TNC: variants seen among roughly 807,000 people sequenced by gnomAD.
The protein encoded by TNC is tenascin C.
A neutral mutation model predicts 202.4 loss-of-function variants in TNC; 109 were observed. The observed-to-expected ratio is 0.54, with a 90% confidence interval of 0.46 to 0.63. TNC has a LOEUF of 0.63. Among genes scored for constraint, TNC ranks in the 30% least tolerant of loss-of-function variants. The probability of loss-of-function intolerance (pLI) is 0.00; values close to 1 mark genes in which losing one functional copy is unlikely to be tolerated. For missense variants in TNC, 2,756 were observed against 2,833.3 expected (o/e 0.97, Z 0.62); for synonymous variants, 1,007 against 1,089.7 (o/e 0.92, Z 1.50).
intron 2 of TNC, among the ~76,000 whole-genome samples, chr9:115,089,421 A>AG (rs1186896242): frequency 1.3e-5 from 2 of 152,254 alleles, no homozygotes; most frequent in Non-Finnish European, 2.9e-5. Flanking sequence ...ATGTGGAAAC[A>AG]GGGCATCCAT....
intron 7 of TNC, among the ~76,000 whole-genome samples, chr9:115,077,303 G>A (rs562593448): frequency 3.9e-5 from 6 of 152,130 alleles, no homozygotes; most frequent in South Asian, 2.1e-4. Flanking sequence ...TGATTCGCCC[G>A]CCTTGGCCTC....
intron 1 of TNC, among the ~76,000 whole-genome samples, chr9:115,106,568 A>G (rs1316784628): frequency 1.3e-5 from 2 of 152,206 alleles, no homozygotes; most frequent in Non-Finnish European, 2.9e-5. Flanking sequence ...CAGGTGGACT[A>G]TAATATCTGT....
rs536656263 is a variant in TNC, at chr9:115,050,043, C to T, written c.4580-1511G>A. Among the ~76,000 whole-genome samples the T allele has an allele frequency of 5.3e-5, 8 of 152,200 alleles. No individual in the cohort carries two copies. In the East Asian group the frequency reaches 9.7e-4, roughly 18 times the overall value. The stretch of plus-strand genomic sequence containing the variant: ...TCTATCAAAAGCGAGGATGAAATCT[C>T]TTATACTGGGCAAACAATCTTCATC... On this transcript the variant is annotated intron_variant, in intron 15 of 27. Transcript: ENST00000350763.
In TNC at chr9:115,059,662, C is replaced by G. The variant is rs998802851; in HGVS notation, c.4306+68G>C. 3.3e-5 allele frequency: 49 copies of G among 1,467,998 alleles called. 1 individual carries two copies. In the South Asian group the frequency reaches 5.9e-4, roughly 18 times the overall value. 90.9% of individuals were successfully genotyped at this position (1,467,998 alleles called of 1,614,324 possible). On this transcript the variant is annotated intron_variant, in intron 14 of 27. Coordinates refer to ENST00000350763, the MANE Select transcript of TNC (RefSeq NM_002160.4). ...TTCAGTTATGGCGAGATGCTGACTC[C>G]GCGCATGATCTCTTGAAAAGGAAGC...
intron 27 of TNC, among the ~76,000 whole-genome samples, chr9:115,022,799 C>T (rs529865236): frequency 2.0e-5 from 3 of 152,002 alleles, no homozygotes; most frequent in Non-Finnish European, 2.9e-5. Flanking sequence ...AAATGATAAA[C>T]CCTTGAGATA....
In TNC at chr9:115,041,304, A is replaced by G. The variant is rs62578746; in HGVS notation, c.5249-220T>C. On this transcript the variant is annotated intron_variant, in intron 18 of 27. Coordinates refer to ENST00000350763, the MANE Select transcript of TNC (RefSeq NM_002160.4). ...TGCAGATGCCAAAAACAAAGCCAGGAGGGGCGGGGGAAAACATGAAGTCAC... is the reference window on the plus strand; with the variant it reads ...TGCAGATGCCAAAAACAAAGCCAGGGGGGGCGGGGGAAAACATGAAGTCAC... Among the ~76,000 whole-genome samples the G allele has an allele frequency of 0.14, 14,070 of 103,342 alleles. 1,214 individuals carry two copies. The highest frequency in any genetic ancestry group is 0.28 in the African/African-American group (6,744 of 24,062). 67.8% of individuals were successfully genotyped at this position (103,342 alleles called of 152,430 possible).
At position 115,087,172 on chromosome 9, in the gene TNC, C is replaced by T; in HGVS notation, c.559G>A (p.Glu187Lys). The T allele has an allele frequency of 3.7e-6, 6 of 1,614,248 alleles. No homozygotes were observed. The highest frequency in any genetic ancestry group is 5.1e-6 in the Non-Finnish European group (6 of 1,180,052). The stretch of plus-strand genomic sequence containing the variant: ...TGACAGTTGCCTGGACATTCGGGCT[C>T]AGAGCAGTTGGGGCCTTTCCAGCCA... ...EPGWKGPNCSEPECPGNCHLR... is the reference protein window; with the variant it reads ...EPGWKGPNCSKPECPGNCHLR... The change falls in exon 3 of 28, where the codon GAG becomes AAG. Residue 187 changes from glutamate (E) to lysine (K), a missense_variant. By Grantham distance (56) the Glu-to-Lys change is moderately conservative. Transcript: ENST00000350763.
At chr9:115,021,423 G>A (rs1829061510) in intron 27 of TNC, among the ~76,000 whole-genome samples, 156 bp from the exon 28 acceptor site, 1 of 152,130 alleles carries the variant, frequency 6.6e-6, no homozygotes, top group South Asian at 2.1e-4. Context: ...GCTGCCTCTT[G>A]CCTATCTCTC....
At chr9:115,109,912 A>C (rs1344044485) in intron 1 of TNC, among the ~76,000 whole-genome samples, 2 of 152,214 alleles carry the variant, frequency 1.3e-5, no homozygotes, top group African/African-American at 4.8e-5. Context: ...GGGACACAGC[A>C]AGGACTCCTA....
intron 1 of TNC, among the ~76,000 whole-genome samples, chr9:115,113,847 T>G (rs1837259323): frequency 6.6e-6 from 1 of 152,176 alleles, no homozygotes; most frequent in South Asian, 2.1e-4. Flanking sequence ...TATTCCATGA[T>G]GAAGGGCCAA....
chr9:115,085,912 C>T lies in TNC; in HGVS notation c.1819G>A (p.Gly607Ser). The T allele has an allele frequency of 6.2e-7, 1 of 1,613,160 alleles. No individual in the cohort carries two copies. The highest frequency in any genetic ancestry group is 8.5e-7 in the Non-Finnish European group (1 of 1,179,238). The change falls in exon 3 of 28, where the codon GGC becomes AGC. Residue 607 changes from glycine (G) to serine (S), a missense_variant. By Grantham distance (56) the Gly-to-Ser change is moderately conservative. Transcript: ENST00000350763. The part of the protein sequence containing the change: ...DCNNLGQCVS[G>S]RCICNEGYSG... ...TAGCCCTCGTTGCAGATGCAGCGGC[C>T]CGAGACGCATTGTCCTAAGTTGTTG... is the stretch of plus-strand genomic sequence containing the variant.
intron 26 of TNC, among the ~76,000 whole-genome samples, chr9:115,024,781 A>G (rs1362753450): frequency 6.6e-6 from 1 of 152,258 alleles, no homozygotes; most frequent in Non-Finnish European, 1.5e-5. Flanking sequence ...TTCTTAGACA[A>G]GAAGCCCATT....
intron 10 of TNC, among the ~76,000 whole-genome samples, chr9:115,071,484 G>A (rs781599214): frequency 6.6e-6 from 1 of 152,286 alleles, no homozygotes; most frequent in Non-Finnish European, 1.5e-5. Context: ...CCTGGTTATA[G>A]CCACATTACC....
At chr9:115,057,005 A>T (rs181957561) in intron 15 of TNC, 148 bp downstream of exon 15, 2 of 881,226 alleles carry the variant, frequency 2.3e-6, no homozygotes, top group Admixed American at 6.4e-5. Context: ...GTTGGAAAAG[A>T]GTTATGTTAA....
At chr9:115,033,280 G>GCTCATAAAAGTAAA (rs1830080631) in intron 22 of TNC, among the ~76,000 whole-genome samples, 2 of 152,186 alleles carry the variant, frequency 1.3e-5, no homozygotes, top group African/African-American at 4.8e-5. Context: ...AAACTGGGAT[G>GCTCATAAAAGTAAA]AGTGCTCATT....
intron 17 of TNC, among the ~76,000 whole-genome samples, chr9:115,044,408 C>CAA (rs1383059513): frequency 6.6e-6 from 1 of 151,634 alleles, no homozygotes; most frequent in Non-Finnish European, 1.5e-5. Flanking sequence ...CACACACACA[C>CAA]ACACACACAA....
At chr9:115,041,250 G>T (rs879208534) in intron 18 of TNC, among the ~76,000 whole-genome samples, 166 bp from the exon 19 acceptor site, 21 of 144,146 alleles carry the variant, frequency 1.5e-4, no homozygotes, top group African/African-American at 5.4e-4. Flanking sequence ...AGGGAAGAAG[G>T]CTTACTTTTT....
At chr9:115,088,946 T>A (rs1696776027) in intron 2 of TNC, among the ~76,000 whole-genome samples, 1 of 152,188 alleles carries the variant, frequency 6.6e-6, no homozygotes, top group African/African-American at 2.4e-5. Context: ...AAATAAGAGA[T>A]GACTAAAATT....
intron 10 of TNC, among the ~76,000 whole-genome samples, chr9:115,067,370 T>G (rs1833032822): frequency 6.6e-6 from 1 of 152,246 alleles, no homozygotes; most frequent in Non-Finnish European, 1.5e-5. Context: ...TGTCCACCTG[T>G]CAGGAACTAA....
Sources: allele counts gnomAD v4.1 joint callset (sites outside exome capture counted in the v4.1 genomes callset), GRCh38; gene constraint gnomAD v4.1.1; transcripts MANE v1.5; gene names NCBI Gene and HGNC (gene_info 2026-07-23, HGNC 2026-07-21).